GNA14: variants seen among roughly 807,000 people sequenced by gnomAD.
The protein encoded by GNA14 is guanine nucleotide-binding protein subunit alpha-14.
Under a neutral mutation model 42.0 loss-of-function variants are expected in GNA14, and 50 were observed. The observed-to-expected ratio is 1.19, with a 90% CI of 0.95 to 1.51. GNA14 has a LOEUF of 1.51. Ranked by LOEUF, GNA14 falls within the 40% of genes most tolerant of loss-of-function variation. The pLI, the probability that GNA14 is intolerant of heterozygous loss-of-function variation, is 0.00. For missense variants in GNA14, 473 were observed against 446.2 expected (o/e 1.06, Z -0.54); for synonymous variants, 173 against 163.1 (o/e 1.06, Z -0.46).
At chr9:77,518,115 G>A (rs1427835065) in intron 2 of GNA14, 6 of 152,064 alleles carry the variant, frequency 3.9e-5, no homozygotes, top group South Asian at 2.1e-4. Context: ...TTACTCACAC[G>A]TTTAAATTTT....
chr9:77,540,051 T>C (rs1837640310), intron 1 of GNA14, among the ~76,000 whole-genome samples: 1 of 152,252 alleles, frequency 6.6e-6, no homozygotes, highest in East Asian at 1.9e-4. Context: ...TTTGTTCTTG[T>C]ATTTTAGTTC....
intron 1 of GNA14, among the ~76,000 whole-genome samples, chr9:77,622,046 A>C (rs1286629126): frequency 6.6e-6 from 1 of 152,210 alleles, no homozygotes; most frequent in Non-Finnish European, 1.5e-5. Context: ...CCACCTCAGC[A>C]TCCCAAAGTT....
intron 2 of GNA14, among the ~76,000 whole-genome samples, chr9:77,446,708 C>T (rs888861503): frequency 1.3e-5 from 2 of 152,200 alleles, no homozygotes; most frequent in East Asian, 3.9e-4. Flanking sequence ...AGTGCCACAC[C>T]CCCACCAACT....
At chr9:77,526,229 A>C (rs1296041011) in intron 2 of GNA14, among the ~76,000 whole-genome samples, 4 of 151,646 alleles carry the variant, frequency 2.6e-5, no homozygotes, top group African/African-American at 9.7e-5. Flanking sequence ...GGACTTTTTG[A>C]GTTGATATTT....
chr9:77,485,792 G>C (rs989588914), intron 2 of GNA14, among the ~76,000 whole-genome samples: 2 of 152,088 alleles, frequency 1.3e-5, no homozygotes, highest in Non-Finnish European at 2.9e-5. Context: ...ATTTTGAAAG[G>C]AATCTTTTTT....
intron 2 of GNA14, among the ~76,000 whole-genome samples, chr9:77,472,959 A>G (rs1235638641): frequency 2.0e-5 from 3 of 152,224 alleles, no homozygotes; most frequent in South Asian, 2.1e-4. Flanking sequence ...TGTCTGTTGT[A>G]TAAGTCACCC....
chr9:77,423,133 T>C lies in GNA14; in HGVS notation c.*846A>G, dbSNP rs1001507272. On this transcript the variant is annotated 3_prime_UTR_variant, in exon 7 of 7. Transcript: ENST00000341700. ...CTCAGAAAGGCACAGCATACATAATTCAAACAGCAAATCTGTGGTGGCCAT... is the reference window on the plus strand; with the variant it reads ...CTCAGAAAGGCACAGCATACATAATCCAAACAGCAAATCTGTGGTGGCCAT... 2 of 152,024 alleles carry C rather than the reference T, an allele frequency of 1.3e-5. No homozygotes were observed. The highest frequency in any genetic ancestry group is 2.9e-5 in the Non-Finnish European group (2 of 67,996). 9.4% of individuals were successfully genotyped at this position (152,024 alleles called of 1,614,324 possible).
intron 2 of GNA14, among the ~76,000 whole-genome samples, chr9:77,491,429 T>C (rs1222853289): frequency 2.0e-5 from 3 of 152,078 alleles, no homozygotes; most frequent in African/African-American, 7.2e-5. Flanking sequence ...GCTTTACTTA[T>C]AAAGACACAC....
intron 2 of GNA14, among the ~76,000 whole-genome samples, chr9:77,513,819 C>A (rs914342154): frequency 1.3e-5 from 2 of 152,228 alleles, no homozygotes; most frequent in African/African-American, 4.8e-5. Flanking sequence ...TCAGCATTAA[C>A]CACAATACAT....
In GNA14 at chr9:77,481,760, T is replaced by C. The variant is rs546217270; in HGVS notation, c.310-47238A>G. 2.2e-3 allele frequency among the ~76,000 whole-genome samples: 337 copies of C among 152,348 alleles called. 1 individual carries two copies. The highest frequency in any genetic ancestry group is 4.4e-3 in the Non-Finnish European group (299 of 68,026). On this transcript the variant is annotated intron_variant, in intron 2 of 6. Transcript: ENST00000341700. ...GTATTGGGTGCATATATATTTAGGA[T>C]AGTTAGCTCTTCTTGTTGAATTGAT...
At chr9:77,438,084 G>A (rs974226181) in intron 2 of GNA14, among the ~76,000 whole-genome samples, 1 of 152,110 alleles carries the variant, frequency 6.6e-6, no homozygotes, top group African/African-American at 2.4e-5. Flanking sequence ...CACCAGGAGA[G>A]GAAGACATAT....
At chr9:77,526,632 C>T (rs942331587) in intron 2 of GNA14, 3 of 152,276 alleles carry the variant, frequency 2.0e-5, no homozygotes, top group African/African-American at 7.2e-5. Flanking sequence ...CAAGGATTTC[C>T]AGCCACCACC....
intron 2 of GNA14, among the ~76,000 whole-genome samples, chr9:77,507,553 A>T (rs1187197002): frequency 6.6e-6 from 1 of 152,156 alleles, no homozygotes. Flanking sequence ...TGGAATTCAT[A>T]AAAAAACAGC....
intron 1 of GNA14, among the ~76,000 whole-genome samples, chr9:77,561,296 C>T (rs1381935569): frequency 6.6e-6 from 1 of 152,144 alleles, no homozygotes; most frequent in Non-Finnish European, 1.5e-5. Context: ...AATACCTTCC[C>T]AAACCAATCA....
intron 1 of GNA14, among the ~76,000 whole-genome samples, chr9:77,568,096 C>T (rs531700742): frequency 6.6e-6 from 1 of 152,154 alleles, no homozygotes; most frequent in Non-Finnish European, 1.5e-5. Context: ...TTGTTTATCA[C>T]TTTACCTGCA....
intron 2 of GNA14, among the ~76,000 whole-genome samples, chr9:77,521,141 G>A (rs1837349436): frequency 6.6e-6 from 1 of 152,208 alleles, no homozygotes; most frequent in Non-Finnish European, 1.5e-5. Flanking sequence ...GAATTTTGGT[G>A]GAGAATTTGT....
intron 2 of GNA14, among the ~76,000 whole-genome samples, chr9:77,460,977 T>C (rs1836094691): frequency 6.6e-6 from 1 of 152,228 alleles, no homozygotes; most frequent in African/African-American, 2.4e-5. Context: ...AAATAAAGTA[T>C]AAAGTTAGTT....
At chr9:77,498,722 C>T (rs376916447) in intron 2 of GNA14, among the ~76,000 whole-genome samples, 23 of 152,300 alleles carry the variant, frequency 1.5e-4, no homozygotes, top group African/African-American at 5.5e-4. Context: ...CCAGATCTCC[C>T]CCCGCTGAGG....
chr9:77,500,259 C>G (rs192835407), intron 2 of GNA14, among the ~76,000 whole-genome samples: 1 of 152,074 alleles, frequency 6.6e-6, no homozygotes, highest in Non-Finnish European at 1.5e-5. Flanking sequence ...CTCAGGGGAT[C>G]CACCTGCCTC....
Sources: allele counts gnomAD v4.1 joint callset (sites outside exome capture counted in the v4.1 genomes callset), GRCh38; gene constraint gnomAD v4.1.1; transcripts MANE v1.5; gene names NCBI Gene and HGNC (gene_info 2026-07-23, HGNC 2026-07-21).